AREL1: variants seen among roughly 807,000 people sequenced by gnomAD.
The protein encoded by AREL1 is apoptosis resistant E3 ubiquitin protein ligase 1, also known as apoptosis-resistant E3 ubiquitin protein ligase 1.
AREL1 carries 62 observed loss-of-function variants against 99.0 expected under a neutral mutation model. That is an observed-to-expected ratio of 0.63 (90% confidence interval 0.51 to 0.77). The LOEUF is 0.77. Ranked by LOEUF, AREL1 falls within the 30% of genes least tolerant of loss-of-function variation. The pLI is 0.00. For synonymous variants in AREL1, 380 were observed against 376.5 expected (o/e 1.01, Z -0.11); for missense variants, 879 against 1,027.6 (o/e 0.86, Z 1.98).
intron 1 of AREL1, among the ~76,000 whole-genome samples, chr14:74,707,133 C>G (rs945464107): frequency 6.6e-6 from 1 of 152,082 alleles, no homozygotes; most frequent in Non-Finnish European, 1.5e-5. Flanking sequence ...TTTGGGAGGC[C>G]GAGGCGGGCA....
intron 17 of AREL1, among the ~76,000 whole-genome samples, chr14:74,666,785 T>C (rs1443687535): frequency 6.6e-6 from 1 of 150,998 alleles, no homozygotes; most frequent in Non-Finnish European, 1.5e-5. Context: ...AGTGGTGCGA[T>C]CTCGGATCAC....
intron 8 of AREL1, among the ~76,000 whole-genome samples, chr14:74,675,285 G>A (rs1318499140): frequency 6.6e-6 from 1 of 152,202 alleles, no homozygotes; most frequent in Non-Finnish European, 1.5e-5. Context: ...TTAAAGAGAT[G>A]CAATGGGATG....
chr14:74,706,779 A>G (rs1294403964), intron 1 of AREL1, among the ~76,000 whole-genome samples: 2 of 152,230 alleles, frequency 1.3e-5, no homozygotes, highest in African/African-American at 4.8e-5. Context: ...TTACGTAGTT[A>G]TACTTCCGTG....
chr14:74,712,570 G>C (rs2090332835), intron 1 of AREL1, among the ~76,000 whole-genome samples: 1 of 151,994 alleles, frequency 6.6e-6, no homozygotes, highest in African/African-American at 2.4e-5. Flanking sequence ...CATTTTCTTG[G>C]CTTGGGTAAG....
intron 13 of AREL1, among the ~76,000 whole-genome samples, chr14:74,670,438 T>C (rs1442904500): frequency 6.6e-6 from 1 of 152,228 alleles, no homozygotes; most frequent in African/African-American, 2.4e-5. Flanking sequence ...CACCTTTGTC[T>C]AGACAAAGAT....
intron 1 of AREL1, among the ~76,000 whole-genome samples, chr14:74,696,920 C>T (rs375733144): frequency 3.0e-4 from 46 of 152,168 alleles, no homozygotes; most frequent in African/African-American, 9.4e-4. Context: ...GCCAAGATTG[C>T]GCCACTGCAC....
chr14:74,668,857 C>A (rs1365675429), intron 15 of AREL1, among the ~76,000 whole-genome samples: 2 of 152,156 alleles, frequency 1.3e-5, no homozygotes, highest in African/African-American at 2.4e-5. Context: ...TATCTCTGGG[C>A]CATCATTTTC....
rs2089108529 is a variant in AREL1, at chr14:74,662,595, G to A, written c.*1125C>T. 3 of 398,454 alleles carry A rather than the reference G, an allele frequency of 7.5e-6. No individual in the cohort carries two copies. Among genetic ancestry groups the A allele is most frequent in the Admixed American group, 4.4e-5 (1 of 22,714 alleles). 24.7% of individuals were successfully genotyped at this position (398,454 alleles called of 1,614,324 possible). A position where few individuals can be genotyped will look rare whatever the true frequency, so the allele number is the denominator to read the frequency against. On this transcript the variant is annotated 3_prime_UTR_variant, in exon 20 of 20. Coordinates refer to ENST00000356357, the MANE Select transcript of AREL1 (RefSeq NM_001039479.2). ...GTTCTCCTTCCTGATAACTGATGGAGCAAAGGGGAGTACAGGGGTTGGCAG... is the reference window on the plus strand; with the variant it reads ...GTTCTCCTTCCTGATAACTGATGGAACAAAGGGGAGTACAGGGGTTGGCAG...
intron 5 of AREL1, among the ~76,000 whole-genome samples, chr14:74,677,420 C>T (rs566142545): frequency 3.4e-4 from 52 of 151,618 alleles, no homozygotes; most frequent in Non-Finnish European, 7.2e-4. Context: ...CACTTTTGCC[C>T]AGGAGGTAAA....
intron 1 of AREL1, among the ~76,000 whole-genome samples, chr14:74,706,099 T>C (rs1322210550): frequency 6.6e-6 from 1 of 152,216 alleles, no homozygotes; most frequent in African/African-American, 2.4e-5. Flanking sequence ...ATGTGTTTTC[T>C]ATATACAAAA....
intron 2 of AREL1, among the ~76,000 whole-genome samples, chr14:74,689,109 A>C (rs1443115995): frequency 6.6e-6 from 1 of 151,930 alleles, no homozygotes; most frequent in Non-Finnish European, 1.5e-5. Flanking sequence ...TGGCTTCCCA[A>C]AGTGCTGGGA....
intron 13 of AREL1, 181 bp downstream of exon 13, chr14:74,670,581 C>T: frequency 1.8e-6 from 1 of 541,694 alleles, no homozygotes; most frequent in African/African-American, 2.2e-5. Context: ...GCTTATTTTA[C>T]AGATGAAATA....
chr14:74,670,232 G>A (rs2089304112), intron 13 of AREL1, 106 bp from the exon 14 acceptor site: 1 of 1,197,740 alleles, frequency 8.3e-7, no homozygotes, highest in East Asian at 2.4e-5. Flanking sequence ...AGATGTCACT[G>A]TGAGGATCAG....
intron 1 of AREL1, among the ~76,000 whole-genome samples, chr14:74,699,432 C>T (rs546495851): frequency 1.4e-4 from 21 of 151,134 alleles, no homozygotes; most frequent in Admixed American, 4.6e-4. Flanking sequence ...AGCACACAAG[C>T]GAGAGAGCCC....
In AREL1 at chr14:74,670,044, T is replaced by C. The variant is rs374986772; in HGVS notation, c.1691A>G (p.Tyr564Cys). The C allele has an allele frequency of 6.8e-6, 11 of 1,614,070 alleles. No individual in the cohort carries two copies. The highest frequency in any genetic ancestry group is 2.7e-5 in the African/African-American group (2 of 75,046). ...FAGRLVGKCL[Y>C]ESSLGGAYKQ... ...GTAGGCTCCTCCTAGAGAGGACTCA[T>C]AGAGACACTTGCCCACGAGCCGTCC... The change falls in exon 14 of 20, where the codon TAT becomes TGT. Residue 564 changes from tyrosine (Y) to cysteine (C), a missense_variant. By Grantham distance (194) the Tyr-to-Cys change is radical. Coordinates refer to ENST00000356357, the MANE Select transcript of AREL1 (RefSeq NM_001039479.2).
chr14:74,694,764 C>A (rs59222572), intron 1 of AREL1, among the ~76,000 whole-genome samples: 2,107 of 151,802 alleles, frequency 0.014, 44 homozygotes, highest in African/African-American at 0.048. Flanking sequence ...CTGAAGCGGG[C>A]GGATCATGAG....
At chr14:74,711,941 C>A (rs1218446313) in intron 1 of AREL1, 1 of 149,708 alleles carries the variant, frequency 6.7e-6, no homozygotes, top group African/African-American at 2.5e-5. Context: ...TATTTTACTT[C>A]CAACTCTAGG....
In AREL1 at chr14:74,663,749, C is replaced by T. The variant is rs1006858231; in HGVS notation, c.2443G>A (p.Glu815Lys). The change falls in exon 20 of 20, where the codon GAG (glutamate) becomes AAG (lysine). Residue 815 changes from glutamate to lysine, a missense_variant. Physicochemically the swap from Glu to Lys is moderately conservative, Grantham distance 56. Coordinates refer to ENST00000356357, the MANE Select transcript of AREL1 (RefSeq NM_001039479.2). Reference sequence around the variant, plus strand: ...AGCATGCCAAAGCCCTCGCAACCCTCGCTGATGGCCAGCTGCAGCATCCTG... The same window carrying T: ...AGCATGCCAAAGCCCTCGCAACCCTTGCTGATGGCCAGCTGCAGCATCCTG... Reference protein sequence around the residue: ...VHRMLQLAISEGCEGFGML With the variant: ...VHRMLQLAISKGCEGFGML 1 of 1,614,110 alleles carries T rather than the reference C, an allele frequency of 6.2e-7. No homozygotes were observed. Among genetic ancestry groups the T allele is most frequent in the Non-Finnish European group, 8.5e-7 (1 of 1,180,024 alleles).
At chr14:74,687,447 T>C (rs1010661369) in intron 2 of AREL1, among the ~76,000 whole-genome samples, 1 of 152,200 alleles carries the variant, frequency 6.6e-6, no homozygotes, top group African/African-American at 2.4e-5. Flanking sequence ...TAATAATTTC[T>C]ATGGTATCAT....
Sources: allele counts gnomAD v4.1 joint callset (sites outside exome capture counted in the v4.1 genomes callset), GRCh38; gene constraint gnomAD v4.1.1; transcripts MANE v1.5; gene names NCBI Gene and HGNC (gene_info 2026-07-23, HGNC 2026-07-21).